DLG2: variants seen among roughly 807,000 people sequenced by gnomAD.
DLG2 encodes discs large MAGUK scaffold protein 2, also known as disks large homolog 2.
DLG2 carries 45 observed loss-of-function variants against 132.5 expected under a neutral mutation model. The observed-to-expected ratio is 0.34, with a 90% CI of 0.27 to 0.44. The LOEUF is 0.44. DLG2 is among the 20% of genes least tolerant of loss of function. DLG2 has a pLI of 1.00. For synonymous variants in DLG2, 424 were observed against 419.6 expected, an observed-to-expected ratio of 1.01 and a Z score of -0.13; for missense variants, 1,045 against 1,196.9, an observed-to-expected ratio of 0.87 and a Z score of 1.87.
At chr11:84,493,680 T>C (rs780837566) in intron 7 of DLG2, among the ~76,000 whole-genome samples, 2 of 152,026 alleles carry the variant, frequency 1.3e-5, no homozygotes, top group Non-Finnish European at 2.9e-5. Context: ...GTGAGCAAGA[T>C]TACACAGGCT....
chr11:84,783,479 C>G (rs1333482695), intron 6 of DLG2, among the ~76,000 whole-genome samples: 1 of 152,166 alleles, frequency 6.6e-6, no homozygotes, highest in Non-Finnish European at 1.5e-5. Context: ...CTCCAAGGTT[C>G]AACTTATGTA....
intron 6 of DLG2, among the ~76,000 whole-genome samples, chr11:84,915,147 G>A (rs191223649): frequency 6.6e-6 from 1 of 152,152 alleles, no homozygotes; most frequent in African/African-American, 2.4e-5. Flanking sequence ...CTTAAGGCAG[G>A]GAACATGTTA....
chr11:85,242,104 C>T (rs1490727919), intron 4 of DLG2, among the ~76,000 whole-genome samples: 1 of 151,930 alleles, frequency 6.6e-6, no homozygotes, highest in East Asian at 1.9e-4. Context: ...GTATGCCAGC[C>T]ACCCATACCT....
At chr11:85,262,721 A>T (rs2077007223) in intron 4 of DLG2, among the ~76,000 whole-genome samples, 1 of 152,192 alleles carries the variant, frequency 6.6e-6, no homozygotes, top group Non-Finnish European at 1.5e-5. Flanking sequence ...AAGATCTGGA[A>T]AAACTTTGTA....
chr11:83,857,176 G>T (rs968490744), intron 16 of DLG2, among the ~76,000 whole-genome samples: 6 of 152,038 alleles, frequency 3.9e-5, no homozygotes, highest in African/African-American at 1.4e-4. Flanking sequence ...TGTTCCATTG[G>T]TCTATGTGTC....
intron 6 of DLG2, among the ~76,000 whole-genome samples, chr11:85,058,306 T>C (rs560827190): frequency 4.0e-4 from 60 of 151,666 alleles, no homozygotes; most frequent in Non-Finnish European, 6.2e-4. Context: ...TATCAACATA[T>C]AGCACCTCTG....
chr11:83,843,709 G>T (rs2058075136), intron 16 of DLG2, among the ~76,000 whole-genome samples: 1 of 152,166 alleles, frequency 6.6e-6, no homozygotes, highest in Non-Finnish European at 1.5e-5. Context: ...TACAGGTCGG[G>T]TTCCTTGCTT....
At chr11:85,133,435 A>C (rs892498180) in intron 5 of DLG2, among the ~76,000 whole-genome samples, 2 of 152,196 alleles carry the variant, frequency 1.3e-5, no homozygotes. Flanking sequence ...GGTACTGCAT[A>C]CATCACATCT....
intron 7 of DLG2, among the ~76,000 whole-genome samples, chr11:84,334,147 A>G (rs559224929): frequency 2.2e-4 from 34 of 152,334 alleles, no homozygotes; most frequent in South Asian, 8.3e-4. Context: ...TATTCTCAAA[A>G]ACCTTCTTTT....
intron 16 of DLG2, among the ~76,000 whole-genome samples, chr11:83,861,107 C>T (rs529827529): frequency 1.3e-5 from 2 of 152,076 alleles, no homozygotes; most frequent in African/African-American, 4.8e-5. Flanking sequence ...ACAATGAAAT[C>T]GGTATCAGGT....
chr11:83,471,744 G>A lies in DLG2; in HGVS notation c.2345-17C>T, dbSNP rs2092050917. On this transcript the variant is annotated splice_polypyrimidine_tract_variant and intron_variant, in intron 23 of 27. Transcript: ENST00000376104. ...TGTAGTTTACTGCAGAATGGGAAAG[G>A]AAGATGTAGGTAAAGAGAAAGAGTT... The A allele has an allele frequency of 6.2e-7, 1 of 1,600,614 alleles. No individual in the cohort carries two copies. The highest frequency in any genetic ancestry group is 8.6e-7 in the Non-Finnish European group (1 of 1,168,542).
chr11:85,062,497 T>A (rs1184162970), intron 6 of DLG2, among the ~76,000 whole-genome samples: 1 of 151,578 alleles, frequency 6.6e-6, no homozygotes, highest in South Asian at 2.1e-4. Flanking sequence ...AAACATTGTG[T>A]TAAATATTTT....
intron 18 of DLG2, chr11:83,651,874 A>G (rs1301356367): frequency 2.1e-6 from 1 of 471,000 alleles, no homozygotes. Flanking sequence ...TTGGCTGTCA[A>G]AGGACATGTC....
chr11:85,261,652 G>C (rs1272447804), intron 4 of DLG2, among the ~76,000 whole-genome samples: 1 of 152,164 alleles, frequency 6.6e-6, no homozygotes, highest in Non-Finnish European at 1.5e-5. Flanking sequence ...ATTCATAAAG[G>C]TAGCAGGCAT....
Position 85,403,652 on chromosome 11 carries a change from A to G in DLG2, c.41-118287T>C, listed in dbSNP as rs1178418591. 3.9e-5 allele frequency among the ~76,000 whole-genome samples: 6 copies of G among 151,970 alleles called. No individual in the cohort carries two copies. In the East Asian group the frequency reaches 1.2e-3, roughly 29 times the overall value. ...TTGTGGGCAGGGTAAGGAAAATGCA[A>G]CTGGAGATGTATGATATCACGTTTT... On this transcript the variant is annotated intron_variant, in intron 3 of 27. Coordinates refer to ENST00000376104, the MANE Select transcript of DLG2 (RefSeq NM_001142699.3).
In DLG2 at chr11:84,518,298, C is replaced by T. The variant is rs367609159; in HGVS notation, c.519+16272G>A. ...TTGAGTTTTACCAAATTTTTAACAA[C>T]GTGCAAGACAGAGCTGGGATTGACA... On this transcript the variant is annotated intron_variant, in intron 7 of 27. Coordinates refer to ENST00000376104, the MANE Select transcript of DLG2 (RefSeq NM_001142699.3). Among the ~76,000 whole-genome samples the T allele has an allele frequency of 1.2e-4, 11 of 89,824 alleles. 4 individuals are homozygous for T. The highest frequency in any genetic ancestry group is 9.5e-4 in the South Asian group (2 of 2,106). 58.9% of individuals were successfully genotyped at this position (89,824 alleles called of 152,430 possible). A position where few individuals can be genotyped will look rare whatever the true frequency, so the allele number is the denominator to read the frequency against.
chr11:84,340,533 A>G (rs1459895523), intron 7 of DLG2, among the ~76,000 whole-genome samples: 2 of 152,184 alleles, frequency 1.3e-5, no homozygotes, highest in Non-Finnish European at 2.9e-5. Flanking sequence ...CTTAATGCAT[A>G]TATCTCCAGA....
chr11:84,589,498 G>T (rs2099537799), intron 6 of DLG2, among the ~76,000 whole-genome samples: 1 of 152,070 alleles, frequency 6.6e-6, no homozygotes, highest in African/African-American at 2.4e-5. Context: ...AGTACTAGGG[G>T]TGGGAGGAGG....
At chr11:83,874,347 G>A in intron 16 of DLG2, 73 bp downstream of exon 16, 1 of 1,061,196 alleles carries the variant, frequency 9.4e-7, no homozygotes, top group Non-Finnish European at 1.3e-6. Flanking sequence ...AAGAGAGACA[G>A]AGACAGGGAG....
Sources: allele counts gnomAD v4.1 joint callset (sites outside exome capture counted in the v4.1 genomes callset), GRCh38; gene constraint gnomAD v4.1.1; transcripts MANE v1.5; gene names NCBI Gene and HGNC (gene_info 2026-07-23, HGNC 2026-07-21).